GPC6: variants seen among roughly 807,000 people sequenced by gnomAD.
GPC6 encodes glypican 6.
In GPC6, 14 loss-of-function variants were observed where a neutral mutation model predicts 55.2. The observed-to-expected ratio is 0.25, with a 90% CI of 0.17 to 0.40. GPC6 has a LOEUF of 0.40. Ranked by LOEUF, GPC6 falls within the 10% of genes least tolerant of loss-of-function variation. GPC6 has a pLI of 1.00. For missense variants in GPC6, 641 were observed against 708.5 expected (o/e 0.90, Z 1.08); for synonymous variants, 278 against 259.6 (o/e 1.07, Z -0.68).
At chr13:93,607,501 A>G (rs1245172070) in intron 2 of GPC6, among the ~76,000 whole-genome samples, 3 of 152,102 alleles carry the variant, frequency 2.0e-5, no homozygotes, top group Non-Finnish European at 4.4e-5. Context: ...TCTTCACCCA[A>G]TAGGTTGAAT....
chr13:93,403,701 C>A (rs1423321886), intron 1 of GPC6, among the ~76,000 whole-genome samples: 3 of 152,074 alleles, frequency 2.0e-5, no homozygotes, highest in Non-Finnish European at 4.4e-5. Flanking sequence ...TTTTCTAGTC[C>A]AGCTTGGCTC....
intron 3 of GPC6, among the ~76,000 whole-genome samples, chr13:93,926,361 C>CAA: frequency 6.6e-6 from 1 of 152,264 alleles, no homozygotes. Context: ...TAGAAATAGA[C>CAA]AAATAGTCTT....
intron 1 of GPC6, among the ~76,000 whole-genome samples, chr13:93,343,315 T>C (rs1254426428): frequency 6.6e-6 from 1 of 152,166 alleles, no homozygotes; most frequent in Non-Finnish European, 1.5e-5. Context: ...CTGAGTCCCA[T>C]ACGTTCCTTG....
intron 1 of GPC6, among the ~76,000 whole-genome samples, chr13:93,411,080 A>G (rs1046816803): frequency 6.6e-6 from 1 of 152,180 alleles, no homozygotes; most frequent in Non-Finnish European, 1.5e-5. Flanking sequence ...GTTGATACCC[A>G]GATATAGAGA....
chr13:93,396,016 T>C (rs922755893), intron 1 of GPC6, among the ~76,000 whole-genome samples: 1 of 152,182 alleles, frequency 6.6e-6, no homozygotes, highest in African/African-American at 2.4e-5. Flanking sequence ...TTGGGAAAAG[T>C]AGCTTAGCCT....
At chr13:93,428,836 A>G (rs1354974592) in intron 1 of GPC6, among the ~76,000 whole-genome samples, 1 of 152,200 alleles carries the variant, frequency 6.6e-6, no homozygotes, top group Non-Finnish European at 1.5e-5. Context: ...TGAATAAATA[A>G]ATGTAAATGT....
At chr13:93,240,526 A>G (rs1876393989) in intron 1 of GPC6, among the ~76,000 whole-genome samples, 1 of 152,054 alleles carries the variant, frequency 6.6e-6, no homozygotes, top group Non-Finnish European at 1.5e-5. Flanking sequence ...AGTCTATAAG[A>G]ATCTTTACAA....
intron 1 of GPC6, among the ~76,000 whole-genome samples, chr13:93,237,725 T>C (rs1169887994): frequency 1.4e-5 from 2 of 140,366 alleles, no homozygotes; most frequent in Non-Finnish European, 3.1e-5. Flanking sequence ...CTTTAATTCA[T>C]CTTAAGTTAT....
intron 2 of GPC6, among the ~76,000 whole-genome samples, chr13:93,793,143 C>T (rs2138925482): frequency 1.3e-5 from 2 of 152,302 alleles, no homozygotes. Context: ...ATCTGTTGTA[C>T]ATCATGTCTT....
intron 2 of GPC6, among the ~76,000 whole-genome samples, chr13:93,717,960 A>G (rs892052279): frequency 6.6e-6 from 1 of 152,028 alleles, no homozygotes; most frequent in African/African-American, 2.4e-5. Context: ...TTATGGCTGC[A>G]TAGTATTCCA....
At chr13:93,797,412 G>C (rs964508) in intron 2 of GPC6, among the ~76,000 whole-genome samples, 35,806 of 152,074 alleles carry the variant, frequency 0.24, 4,755 homozygotes, top group East Asian at 0.35. Context: ...ACAACGTTCA[G>C]AAAATGAAAA....
At chr13:93,593,398 T>C (rs778361327) in intron 2 of GPC6, among the ~76,000 whole-genome samples, 28 of 152,150 alleles carry the variant, frequency 1.8e-4, no homozygotes, top group Non-Finnish European at 3.8e-4. Flanking sequence ...ATTGGGATCA[T>C]GATGTCACTG....
intron 1 of GPC6, among the ~76,000 whole-genome samples, chr13:93,452,535 T>G (rs1878269971): frequency 6.6e-6 from 1 of 152,220 alleles, no homozygotes; most frequent in Non-Finnish European, 1.5e-5. Context: ...AAGATGTCTA[T>G]GAGTATTAAC....
intron 7 of GPC6, among the ~76,000 whole-genome samples, chr13:94,393,078 G>A (rs1880730783): frequency 6.6e-6 from 1 of 152,180 alleles, no homozygotes; most frequent in Non-Finnish European, 1.5e-5. Flanking sequence ...TATGTGGGAA[G>A]TTTAAAACTT....
chr13:93,459,429 G>A (rs1466598306), intron 1 of GPC6, among the ~76,000 whole-genome samples: 3 of 152,064 alleles, frequency 2.0e-5, no homozygotes, highest in Admixed American at 6.5e-5. Context: ...AAAGACAAAA[G>A]CATTTTTTCT....
intron 2 of GPC6, among the ~76,000 whole-genome samples, chr13:93,690,242 G>T (rs1008385136): frequency 6.6e-6 from 1 of 151,984 alleles, no homozygotes; most frequent in Non-Finnish European, 1.5e-5. Flanking sequence ...TAATTGACCT[G>T]GGTAATACCT....
chr13:93,647,922 C>T (rs990190799), intron 2 of GPC6, among the ~76,000 whole-genome samples: 2 of 152,116 alleles, frequency 1.3e-5, no homozygotes, highest in East Asian at 3.9e-4. Context: ...GGTGTAGTCA[C>T]CTCTAACCAG....
intron 1 of GPC6, among the ~76,000 whole-genome samples, chr13:93,487,312 T>G (rs1227417457): frequency 6.6e-6 from 1 of 152,226 alleles, no homozygotes; most frequent in Non-Finnish European, 1.5e-5. Flanking sequence ...TTGTACAGAC[T>G]GTTTTCATTA....
Position 93,547,301 on chromosome 13 carries a change from G to C in GPC6, c.319+1880G>C, listed in dbSNP as rs139601645. On this transcript the variant is annotated intron_variant, in intron 2 of 8. Coordinates refer to ENST00000377047, the MANE Select transcript of GPC6 (RefSeq NM_005708.5). ...GTGGAGGTTGCAGTGAGCCGAGATC[G>C]TGCCAGTACACTCCAGCCTGGGCAA... is the stretch of plus-strand genomic sequence containing the variant. Among the ~76,000 whole-genome samples the C allele has an allele frequency of 5.9e-5, 9 of 152,062 alleles. No homozygotes were observed. In the East Asian group the frequency reaches 1.7e-3, roughly 29 times the overall value.
Sources: allele counts gnomAD v4.1 joint callset (sites outside exome capture counted in the v4.1 genomes callset), GRCh38; gene constraint gnomAD v4.1.1; transcripts MANE v1.5; gene names NCBI Gene and HGNC (gene_info 2026-07-23, HGNC 2026-07-21).